The following CDH17 variants were observed in gnomAD, a reference collection of about 807,000 sequenced individuals.
The protein encoded by CDH17 is cadherin-17.
A neutral mutation model predicts 86.3 loss-of-function variants in CDH17; 67 were observed. That is an observed-to-expected ratio of 0.78 (90% CI 0.64 to 0.95). The LOEUF is 0.95. Ranked by LOEUF, CDH17 falls within the 40% of genes least tolerant of loss-of-function variation. The pLI, the probability that CDH17 is intolerant of heterozygous loss-of-function variation, is 0.00. For missense variants in CDH17, 993 were observed against 1,017.6 expected, an observed-to-expected ratio of 0.98 and a Z score of 0.33; for synonymous variants, 367 against 366.4, an observed-to-expected ratio of 1.00 and a Z score of -0.02.
At chr8:94,170,634 A>G in intron 8 of CDH17, 87 bp from the exon 9 acceptor site, 2 of 1,450,866 alleles carry the variant, frequency 1.4e-6, no homozygotes, top group East Asian at 2.3e-5. Flanking sequence ...TTTCTATGTC[A>G]TTTACTCCCT....
intron 12 of CDH17, 48 bp downstream of exon 12, chr8:94,159,923 T>C: frequency 6.8e-7 from 1 of 1,466,914 alleles, no homozygotes; most frequent in South Asian, 1.3e-5. Context: ...CATTAGTAAA[T>C]TAACCCACAA....
At chr8:94,185,844 A>G (rs1213611694) in intron 3 of CDH17, among the ~76,000 whole-genome samples, 1 of 152,122 alleles carries the variant, frequency 6.6e-6, no homozygotes. Flanking sequence ...AATTAAGCCT[A>G]TCCCCTTTTG....
chr8:94,216,068 C>A (rs2129685333), intron 1 of CDH17, among the ~76,000 whole-genome samples: 1 of 152,268 alleles, frequency 6.6e-6, no homozygotes, highest in Middle Eastern at 3.4e-3. Flanking sequence ...AAACTTGACT[C>A]AACTGCCTGC....
At chr8:94,161,324 C>T (rs1813047134) in intron 11 of CDH17, among the ~76,000 whole-genome samples, 1 of 152,188 alleles carries the variant, frequency 6.6e-6, no homozygotes, top group African/African-American at 2.4e-5. Flanking sequence ...AAATCAATTC[C>T]CTTCTTTGTT....
At position 94,130,677 on chromosome 8, in the gene CDH17, G is replaced by T. The variant is rs1219722590; in HGVS notation, c.2347C>A (p.Pro783Thr). ...FRPAGHQTGI[P>T]TVGMAVGILL... ...ATACCAACTGCCATGCCCACAGTGG[G>T]TATCCCAGTCTGGTGACCTGCTGGC... Residue 783 changes from proline (P) to threonine (T), a missense_variant, in exon 17 of 18, where the codon CCC (proline) becomes ACC (threonine). Coordinates refer to ENST00000027335, the MANE Select transcript of CDH17 (RefSeq NM_004063.4). 3 of 1,613,854 alleles carry T rather than the reference G, an allele frequency of 1.9e-6. No individual in the cohort carries two copies. Among genetic ancestry groups the T allele is most frequent in the Non-Finnish European group, 2.5e-6 (3 of 1,179,944 alleles).
intron 3 of CDH17, among the ~76,000 whole-genome samples, chr8:94,185,927 G>A (rs549982176): frequency 4.0e-4 from 61 of 152,208 alleles, no homozygotes; most frequent in South Asian, 4.2e-4. Flanking sequence ...ATGAGAAAGC[G>A]TTTGATTTCA....
In CDH17 at chr8:94,185,315, C is replaced by CA. The variant is rs1563583953; in HGVS notation, c.150+3871_150+3872insT. Among the ~76,000 whole-genome samples the CA allele has an allele frequency of 7.7e-5, 11 of 143,476 alleles. No homozygotes were observed. In the South Asian group the frequency reaches 2.0e-3, roughly 26 times the overall value. The allele number at this position is 143,476 out of a possible 152,430, so 94.1% of individuals were successfully genotyped here. ...CACACACACACACACACACACACAC[C>CA]CCTGTAAAGAAGAAACATTCAACCA... On this transcript the variant is annotated intron_variant, in intron 3 of 17. Transcript: ENST00000027335.
intron 9 of CDH17, among the ~76,000 whole-genome samples, chr8:94,170,193 A>G (rs1813239739): frequency 6.6e-6 from 1 of 152,178 alleles, no homozygotes; most frequent in Non-Finnish European, 1.5e-5. Flanking sequence ...AATGGTAGCT[A>G]TAAAAGCCCC....
intron 12 of CDH17, among the ~76,000 whole-genome samples, chr8:94,158,530 G>C (rs56311684): frequency 0.018 from 2,800 of 152,262 alleles, 61 homozygotes; most frequent in African/African-American, 0.061. Context: ...TCCTGCAAAA[G>C]GATAAAAGGA....
intron 15 of CDH17, among the ~76,000 whole-genome samples, chr8:94,132,143 T>C (rs1195685388): frequency 6.6e-6 from 1 of 152,236 alleles, no homozygotes; most frequent in Non-Finnish European, 1.5e-5. Context: ...AACATACGTG[T>C]GCACGTGTCT....
intron 3 of CDH17, among the ~76,000 whole-genome samples, chr8:94,180,531 G>A (rs1279215723): frequency 6.6e-6 from 1 of 152,128 alleles, no homozygotes; most frequent in African/African-American, 2.4e-5. Context: ...CTCATCACAT[G>A]TAAAGGATCC....
chr8:94,204,505 C>T (rs1813986316), intron 1 of CDH17, among the ~76,000 whole-genome samples: 1 of 152,098 alleles, frequency 6.6e-6, no homozygotes, highest in African/African-American at 2.4e-5. Context: ...CATAGTATTC[C>T]ATGGTGTATA....
At chr8:94,216,158 G>A (rs1814190551) in intron 1 of CDH17, among the ~76,000 whole-genome samples, 1 of 151,978 alleles carries the variant, frequency 6.6e-6, no homozygotes, top group Non-Finnish European at 1.5e-5. Context: ...CCTCCCTTTA[G>A]TTTTCCCACT....
At chr8:94,189,707 A>G (rs1043542232) in intron 2 of CDH17, among the ~76,000 whole-genome samples, 1 of 152,182 alleles carries the variant, frequency 6.6e-6, no homozygotes, top group African/African-American at 2.4e-5. Context: ...TTTTTATTTT[A>G]TAAAGACATT....
chr8:94,160,245 A>G (rs974269562), intron 11 of CDH17, 83 bp from the exon 12 acceptor site: 6 of 1,058,890 alleles, frequency 5.7e-6, no homozygotes, highest in Non-Finnish European at 8.3e-6. Context: ...CTGGTTTCAG[A>G]ATAGACACAA....
At chr8:94,168,884 G>C (rs1813216764) in intron 9 of CDH17, among the ~76,000 whole-genome samples, 1 of 152,092 alleles carries the variant, frequency 6.6e-6, no homozygotes, top group African/African-American at 2.4e-5. Context: ...TCGCTTCCAA[G>C]ATTAGGTCAT....
chr8:94,169,231 C>T (rs1036122890), intron 9 of CDH17, among the ~76,000 whole-genome samples: 1 of 152,126 alleles, frequency 6.6e-6, no homozygotes, highest in Non-Finnish European at 1.5e-5. Flanking sequence ...TTGTTGGCTA[C>T]TGTTACACTA....
intron 2 of CDH17, 50 bp from the exon 3 acceptor site, chr8:94,189,335 C>A: frequency 7.4e-7 from 1 of 1,344,918 alleles, no homozygotes; most frequent in South Asian, 1.2e-5. Context: ...GTGTCTGTGT[C>A]ACTCATTGAT....
Position 94,173,933 on chromosome 8 carries a change from A to G in CDH17, c.647T>C (p.Met216Thr), listed in dbSNP as rs367987142. 1.0e-4 allele frequency: 169 copies of G among 1,613,858 alleles called. 1 individual carries two copies. In the South Asian group the frequency reaches 1.3e-3, roughly 12 times the overall value. ...SYNLVISVKD[M>T]GGQSENSFSD... ...GAAGGAATTCTCACTCTGGCCTCCC[A>G]TGTCCTTCACTGAGATCACCAGATT... is the stretch of plus-strand genomic sequence containing the variant. Residue 216 changes from methionine (M) to threonine (T), a missense_variant, in exon 7 of 18, where the codon ATG (methionine) becomes ACG (threonine). Met to Thr is a moderately conservative substitution (Grantham distance 81, BLOSUM62 -1). Transcript: ENST00000027335.
Sources: gnomAD v4.1 joint callset for allele counts (sites outside exome capture counted in the v4.1 genomes callset) on GRCh38, gnomAD v4.1.1 for gene constraint, MANE v1.5 for transcripts, NCBI Gene and HGNC (gene_info 2026-07-23, HGNC 2026-07-21) for gene names.